Variants in AHCTF1 observed in about 807,000 individuals in gnomAD.
AHCTF1 encodes the protein protein ELYS.
A neutral mutation model predicts 248.4 loss-of-function variants in AHCTF1; 24 were observed. The ratio of observed to expected loss-of-function variants is 0.10; its 90% CI spans 0.07 to 0.14. The LOEUF is 0.14. AHCTF1 is among the 10% of genes least tolerant of loss of function. The pLI, the probability that AHCTF1 is intolerant of heterozygous loss-of-function variation, is 1.00. For missense variants in AHCTF1, 2,206 were observed against 2,636.2 expected (o/e 0.84, Z 3.57); for synonymous variants, 786 against 929.8 (o/e 0.85, Z 2.81).
chr1:246,916,976 A>T (rs986665895), intron 2 of AHCTF1, among the ~76,000 whole-genome samples: 2 of 152,258 alleles, frequency 1.3e-5, no homozygotes, highest in Admixed American at 6.5e-5. Context: ...TAATGATAGG[A>T]AGTCTCAGAA....
In AHCTF1 at chr1:246,855,754, C is replaced by T. The variant is rs760820555; in HGVS notation, c.4330G>A (p.Ala1444Thr). 12 of 1,612,438 alleles carry T rather than the reference C, an allele frequency of 7.4e-6. No individual in the cohort carries two copies. In the Admixed American group the frequency reaches 2.0e-4, roughly 27 times the overall value. The change falls in exon 31 of 36, where the codon GCA (alanine) becomes ACA (threonine). Residue 1444 changes from alanine (A) to threonine (T), a missense_variant. Ala to Thr is a moderately conservative substitution (Grantham distance 58). Transcript: ENST00000648844. ...CATTTATTGTCATTTGCTCTAATTG[C>T]AGGGGTGTAGGTTTCAACAGATGTT... ...GLTSVETYTP[A>T]IRANDNKSMA...
At chr1:246,870,000 A>T (rs1662459786) in intron 24 of AHCTF1, among the ~76,000 whole-genome samples, 1 of 152,252 alleles carries the variant, frequency 6.6e-6, no homozygotes, top group Non-Finnish European at 1.5e-5. Context: ...CAGCACATTC[A>T]TAATTCCTGG....
intron 1 of AHCTF1, among the ~76,000 whole-genome samples, chr1:246,923,567 T>C (rs181934968): frequency 1.1e-3 from 167 of 152,304 alleles, no homozygotes; most frequent in African/African-American, 3.8e-3. Flanking sequence ...AAAAAGCTAT[T>C]TGGATATTTC....
At chr1:246,845,555 A>C (rs1472887352) in intron 33 of AHCTF1, among the ~76,000 whole-genome samples, 1 of 152,206 alleles carries the variant, frequency 6.6e-6, no homozygotes, top group Non-Finnish European at 1.5e-5. Context: ...TACCTGAAAA[A>C]ACGATTTATT....
chr1:246,872,489 C>A (rs760583281), intron 24 of AHCTF1, among the ~76,000 whole-genome samples: 1 of 152,274 alleles, frequency 6.6e-6, no homozygotes, highest in Middle Eastern at 3.4e-3. Context: ...CTGGCTTACT[C>A]CAACCAATCC....
Position 246,864,080 on chromosome 1 carries a change from A to T in AHCTF1, c.3384T>A (p.Pro1128=). ...LDLVVQPVPR[P]SQCSEFIQQS... ...GCTGAATAAACTCCGAACACTGAGA[A>T]GGCCGGGGGACAGGCTGAACAACCA... Residue 1128 remains proline (P), a synonymous_variant, in exon 27 of 36, where the codon CCT becomes CCA. Transcript: ENST00000648844. 1 of 1,614,154 alleles carries T rather than the reference A, an allele frequency of 6.2e-7. No homozygotes were observed. Among genetic ancestry groups the T allele is most frequent in the Non-Finnish European group, 8.5e-7 (1 of 1,179,994 alleles).
chr1:246,891,750 A>C (rs1664219103), intron 15 of AHCTF1, 29 bp downstream of exon 15: 1 of 1,601,752 alleles, frequency 6.2e-7, no homozygotes, highest in Non-Finnish European at 8.5e-7. Context: ...ATTTAATAAA[A>C]CACTCATTTG....
intron 6 of AHCTF1, 61 bp downstream of exon 6, chr1:246,905,480 G>T: frequency 7.3e-7 from 1 of 1,367,122 alleles, no homozygotes; most frequent in Non-Finnish European, 1.0e-6. Context: ...CTGGACAACA[G>T]AGCGAGACTC....
rs747017810 is a variant in AHCTF1 at position 246,918,253 on chromosome 1, C to T, written c.118G>A (p.Ala40Thr). The T allele has an allele frequency of 1.9e-6, 3 of 1,606,042 alleles. No individual in the cohort carries two copies. Residue 40 changes from alanine (A) to threonine (T), a missense_variant, in exon 2 of 36, where the codon GCA (alanine) becomes ACA (threonine). Coordinates refer to ENST00000648844, the MANE Select transcript of AHCTF1 (RefSeq NM_001323342.2). ...LESVLRGKFA[A>T]GKNGLACLAC... ...TGTTCAGTGACATTATGTTTACCTG[C>T]AGCAAACTTTCCACGAAGCACAGAT...
intron 30 of AHCTF1, among the ~76,000 whole-genome samples, chr1:246,857,257 A>C (rs768488523): frequency 2.0e-5 from 3 of 152,352 alleles, no homozygotes; most frequent in South Asian, 2.1e-4. Context: ...AGTATGTTTC[A>C]AATGGTCGTT....
Position 246,879,742 on chromosome 1 carries a change from C to T in AHCTF1, c.2661-2440G>A, listed in dbSNP as rs182698462. ...ACTTGCGAGACTGAGGCAGGAAAAT[C>T]GGCTTGAACCCAGGAGGCAGAGGTT... On this transcript the variant is annotated intron_variant, in intron 21 of 35. Coordinates refer to ENST00000648844, the MANE Select transcript of AHCTF1 (RefSeq NM_001323342.2). 5.6e-3 allele frequency among the ~76,000 whole-genome samples: 856 copies of T among 151,992 alleles called. 9 individuals are homozygous for T. The highest frequency in any genetic ancestry group is 0.017 in the Middle Eastern group (5 of 294).
At chr1:246,881,340 G>A (rs1663388985) in intron 21 of AHCTF1, among the ~76,000 whole-genome samples, 2 of 152,128 alleles carry the variant, frequency 1.3e-5, no homozygotes, top group Admixed American at 1.3e-4. Flanking sequence ...TCCACCATTA[G>A]CGTCAGCAAC....
At chr1:246,899,363 T>C (rs1664836937) in intron 11 of AHCTF1, 88 bp downstream of exon 11, 2 of 1,103,328 alleles carry the variant, frequency 1.8e-6, no homozygotes, top group South Asian at 3.0e-5. Context: ...CAACTGTCAA[T>C]ATCACTAAGT....
intron 11 of AHCTF1, 66 bp downstream of exon 11, chr1:246,899,385 C>G (rs920768966): frequency 2.3e-6 from 3 of 1,328,896 alleles, no homozygotes; most frequent in Non-Finnish European, 3.1e-6. Flanking sequence ...AAACTTAAAT[C>G]CATAAATCAA....
intron 21 of AHCTF1, among the ~76,000 whole-genome samples, chr1:246,882,685 A>G (rs1663536769): frequency 6.6e-6 from 1 of 152,236 alleles, no homozygotes; most frequent in African/African-American, 2.4e-5. Flanking sequence ...TTTCTTGTAC[A>G]TTTATGATCC....
intron 21 of AHCTF1, among the ~76,000 whole-genome samples, chr1:246,879,499 G>A (rs1410647252): frequency 6.6e-6 from 1 of 152,148 alleles, no homozygotes; most frequent in Non-Finnish European, 1.5e-5. Context: ...GCTAAAGGTT[G>A]AAACAACCTA....
At chr1:246,909,354 T>G (rs1018484311) in intron 4 of AHCTF1, among the ~76,000 whole-genome samples, 9 of 130,658 alleles carry the variant, frequency 6.9e-5, no homozygotes, top group Middle Eastern at 4.5e-3. Flanking sequence ...GAGGCAGAGG[T>G]TGCAGTGAGC....
chr1:246,842,752 T>C lies in AHCTF1; in HGVS notation c.6550A>G (p.Thr2184Ala), dbSNP rs748369982. The change falls in exon 35 of 36, where the codon ACT becomes GCT. Residue 2184 changes from threonine to alanine, a missense_variant. Coordinates refer to ENST00000648844, the MANE Select transcript of AHCTF1 (RefSeq NM_001323342.2). ...ELKDDAQSVE[T>A]LGKPKAKRIR... is the part of the protein sequence containing the mutation. The stretch of plus-strand genomic sequence containing the variant: ...CGTTTCGCTTTTGGCTTTCCCAGAG[T>C]TTCTACTGATTGTGCATCATCTTTC... 1 of 1,613,556 alleles carries C rather than the reference T, an allele frequency of 6.2e-7. No individual in the cohort carries two copies. Among genetic ancestry groups the C allele is most frequent in the African/African-American group, 1.3e-5 (1 of 74,892 alleles).
chr1:246,928,239 C>T (rs1318353005), intron 1 of AHCTF1, among the ~76,000 whole-genome samples: 1 of 149,776 alleles, frequency 6.7e-6, no homozygotes, highest in African/African-American at 2.5e-5. Flanking sequence ...GGAGGCGGAC[C>T]TGGCAGTGAG....
Sources: gnomAD v4.1 joint callset for allele counts (sites outside exome capture counted in the v4.1 genomes callset) on GRCh38, gnomAD v4.1.1 for gene constraint, MANE v1.5 for transcripts, NCBI Gene and HGNC (gene_info 2026-07-23, HGNC 2026-07-21) for gene names.